Variants in CLOCK observed in about 807,000 individuals in gnomAD.
CLOCK encodes clock circadian regulator.
CLOCK carries 43 observed loss-of-function variants against 118.4 expected under a neutral mutation model. The observed-to-expected ratio is 0.36, with a 90% CI of 0.28 to 0.47. CLOCK has a LOEUF of 0.47. Ranked by LOEUF, CLOCK falls within the 20% of genes least tolerant of loss-of-function variation. The pLI is 1.00. For synonymous variants in CLOCK, 326 were observed against 339.2 expected (o/e 0.96, Z 0.43); for missense variants, 846 against 999.9 (o/e 0.85, Z 2.08).
At chr4:55,533,532 G>C (rs1730688968) in intron 1 of CLOCK, among the ~76,000 whole-genome samples, 1 of 152,118 alleles carries the variant, frequency 6.6e-6, no homozygotes, top group Non-Finnish European at 1.5e-5. Context: ...ATACATATTA[G>C]AATATTTTTC....
At position 55,434,183 on chromosome 4, in the gene CLOCK, G is replaced by GT. The variant is rs1293431199; in HGVS notation, c.*1231dup. On this transcript the variant is annotated 3_prime_UTR_variant, in exon 23 of 23. Transcript: ENST00000513440. ...CCGGACAATGACTTCAAGATGGTGAGTTATCACCTGAATTAAAATCAAGGC... is the reference window on the plus strand; with the variant it reads ...CCGGACAATGACTTCAAGATGGTGAGTTTATCACCTGAATTAAAATCAAGGC... 1 of 152,592 alleles carries GT rather than the reference G, an allele frequency of 6.6e-6. No homozygotes were observed. The highest frequency in any genetic ancestry group is 1.5e-5 in the Non-Finnish European group (1 of 68,040). 9.5% of individuals were successfully genotyped at this position (152,592 alleles called of 1,614,324 possible). A position where few individuals can be genotyped will look rare whatever the true frequency, so the allele number is the denominator to read the frequency against.
intron 1 of CLOCK, among the ~76,000 whole-genome samples, chr4:55,524,829 T>A (rs1209415021): frequency 6.6e-6 from 1 of 152,138 alleles, no homozygotes; most frequent in African/African-American, 2.4e-5. Context: ...ATTTCTAAAT[T>A]CTCAACTGTT....
rs777983417 is a variant in CLOCK at position 55,456,178 on chromosome 4, A to G, written c.875+40T>C. The G allele has an allele frequency of 9.7e-6, 14 of 1,444,564 alleles. 1 individual carries two copies. The highest frequency in any genetic ancestry group is 7.7e-6 in the Non-Finnish European group (8 of 1,036,006). 89.5% of individuals were successfully genotyped at this position (1,444,564 alleles called of 1,614,324 possible). ...CCATTAATTTCAAGAATTATATAAC[A>G]TGACTATTACCTTTTCATGGAATTT... On this transcript the variant is annotated intron_variant, in intron 12 of 22. Coordinates refer to ENST00000513440, the MANE Select transcript of CLOCK (RefSeq NM_004898.4).
At chr4:55,464,744 T>A (rs149832261) in intron 8 of CLOCK, among the ~76,000 whole-genome samples, 1 of 152,258 alleles carries the variant, frequency 6.6e-6, no homozygotes, top group Non-Finnish European at 1.5e-5. Context: ...ACAAAAAACA[T>A]ACAACAACAA....
chr4:55,501,709 A>G (rs1049129680), intron 2 of CLOCK: 1 of 152,240 alleles, frequency 6.6e-6, no homozygotes, highest in Non-Finnish European at 1.5e-5. Context: ...TAGACTAGTC[A>G]TAGTACACTT....
intron 22 of CLOCK, among the ~76,000 whole-genome samples, chr4:55,436,278 C>CAAACA (rs1722871673): frequency 6.6e-6 from 1 of 152,126 alleles, no homozygotes; most frequent in African/African-American, 2.4e-5. Context: ...TAAAGACAGA[C>CAAACA]AAACAAAACA....
chr4:55,539,572 C>CAAAAAAAAAAA lies in CLOCK; in HGVS notation c.-290+7199_-290+7209dup, dbSNP rs57022769. Among the ~76,000 whole-genome samples, 233 of 52,066 alleles carry CAAAAAAAAAAA rather than the reference C, an allele frequency of 4.5e-3. 7 individuals carry two copies. Among genetic ancestry groups the CAAAAAAAAAAA allele is most frequent in the Non-Finnish European group, 6.2e-3 (195 of 31,352 alleles). The allele number at this position is 52,066 out of a possible 152,430, so 34.2% of individuals were successfully genotyped here. The stretch of plus-strand genomic sequence containing the variant: ...TGGGTGCCAGAGTGAGACCTTGTCT[C>CAAAAAAAAAAA]AAAAAAAAAAAAAAAAAAAAAAAAA... On this transcript the variant is annotated intron_variant, in intron 1 of 22. Transcript: ENST00000513440.
intron 9 of CLOCK, among the ~76,000 whole-genome samples, chr4:55,462,381 G>C (rs1052483150): frequency 6.6e-6 from 1 of 152,218 alleles, no homozygotes; most frequent in East Asian, 1.9e-4. Context: ...CAGCCTCCGG[G>C]GTTCAAGCAA....
Position 55,489,684 on chromosome 4 carries a change from TA to T in CLOCK, c.-135-220del, listed in dbSNP as rs1560453357. Among the ~76,000 whole-genome samples the T allele has an allele frequency of 3.3e-5, 5 of 151,804 alleles. No homozygotes were observed. The South Asian group carries it at 1.0e-3, about 31-fold the overall frequency. ...TAATTCTGGTACAGAAGTTAAAAGA[TA>T]AAAGTATTAAAAAACTGTAACTATA... On this transcript the variant is annotated intron_variant, in intron 2 of 22. Coordinates refer to ENST00000513440, the MANE Select transcript of CLOCK (RefSeq NM_004898.4).
chr4:55,439,804 G>T (rs1365388879), intron 21 of CLOCK, among the ~76,000 whole-genome samples: 1 of 152,104 alleles, frequency 6.6e-6, no homozygotes, highest in African/African-American at 2.4e-5. Flanking sequence ...ACTTAGACTA[G>T]TCCAATTTAC....
At chr4:55,492,983 T>C (rs943437509) in intron 2 of CLOCK, among the ~76,000 whole-genome samples, 2 of 152,216 alleles carry the variant, frequency 1.3e-5, no homozygotes, top group East Asian at 3.8e-4. Context: ...CCTAGGTAGT[T>C]TATGGATGGT....
rs187517799 is a variant in CLOCK at position 55,450,057 on chromosome 4, T to C, written c.1348+34A>G. 283 of 1,613,364 alleles carry C rather than the reference T, an allele frequency of 1.8e-4. 1 individual carries two copies. The African/African-American group carries it at 3.1e-3, about 17-fold the overall frequency. On this transcript the variant is annotated intron_variant, in intron 16 of 22. Coordinates refer to ENST00000513440, the MANE Select transcript of CLOCK (RefSeq NM_004898.4). ...TAACTAAAAGTTTAGTTAGTTACTT[T>C]AAAGGAAGTCTGCTTTGAAGCAAGG...
rs945747318 is a variant in CLOCK, at chr4:55,433,736, T to C, written c.*1679A>G. The C allele has an allele frequency of 1.3e-5, 2 of 152,194 alleles. No individual in the cohort carries two copies. Among genetic ancestry groups the C allele is most frequent in the Admixed American group, 1.3e-4 (2 of 15,280 alleles). The allele number at this position is 152,194 out of a possible 1,614,324, so 9.4% of individuals were successfully genotyped here. On this transcript the variant is annotated 3_prime_UTR_variant, in exon 23 of 23. Transcript: ENST00000513440. ...CATTAGTACCATAAAATCTGTAAAA[T>C]GTTTTTTAAATGTATGTAACTTGTA...
chr4:55,468,406 A>T (rs1458519967), intron 8 of CLOCK, among the ~76,000 whole-genome samples: 2 of 152,238 alleles, frequency 1.3e-5, no homozygotes, highest in Non-Finnish European at 2.9e-5. Context: ...GGTGTCTGGC[A>T]CAGAGCAGAT....
At chr4:55,544,291 A>G (rs1731471693) in intron 1 of CLOCK, among the ~76,000 whole-genome samples, 1 of 152,098 alleles carries the variant, frequency 6.6e-6, no homozygotes, top group Non-Finnish European at 1.5e-5. Flanking sequence ...TAGACAATCA[A>G]GTTTACTAGC....
chr4:55,475,759 A>G (rs984547694), intron 7 of CLOCK, among the ~76,000 whole-genome samples: 1 of 152,152 alleles, frequency 6.6e-6, no homozygotes, highest in Non-Finnish European at 1.5e-5. Context: ...TATGATCAGT[A>G]TTTTTTATAT....
chr4:55,543,314 T>C (rs1226649363), intron 1 of CLOCK, among the ~76,000 whole-genome samples: 1 of 152,206 alleles, frequency 6.6e-6, no homozygotes, highest in Non-Finnish European at 1.5e-5. Flanking sequence ...CTATATCAGA[T>C]GTTAAGCTTT....
intron 1 of CLOCK, among the ~76,000 whole-genome samples, chr4:55,532,929 T>C (rs1730648532): frequency 6.6e-6 from 1 of 152,060 alleles, no homozygotes; most frequent in Non-Finnish European, 1.5e-5. Flanking sequence ...AAAAGACTTG[T>C]ACTCTGAAAA....
chr4:55,497,721 C>T (rs529124533), intron 2 of CLOCK, among the ~76,000 whole-genome samples: 15 of 152,218 alleles, frequency 9.9e-5, no homozygotes, highest in African/African-American at 3.6e-4. Flanking sequence ...AACTTTATTG[C>T]TATATGGTAG....
Sources: allele counts gnomAD v4.1 joint callset (sites outside exome capture counted in the v4.1 genomes callset), GRCh38; gene constraint gnomAD v4.1.1; transcripts MANE v1.5; gene names NCBI Gene and HGNC (gene_info 2026-07-23, HGNC 2026-07-21).